Variants in SPATA31H1 observed in about 807,000 individuals in gnomAD.
The protein encoded by SPATA31H1 is spermatogenesis-associated protein 31H1.
chr2:27,576,720 A>G, the SPATA31H1 span: 1 of 1,614,064 alleles, frequency 6.2e-7, no homozygotes, highest in East Asian at 2.2e-5. Flanking sequence ...CAGATTTTCA[A>G]ATTTGTCTCC....
the SPATA31H1 span, chr2:27,578,735 G>C: frequency 6.2e-7 from 1 of 1,614,142 alleles, no homozygotes; most frequent in Non-Finnish European, 8.5e-7. Context: ...CATCAGAAGA[G>C]TTACAAGTAG....
At chr2:27,547,735 GCTATAGTAATA>G in the SPATA31H1 span, among the ~76,000 whole-genome samples, 68 of 151,888 alleles carry the variant, frequency 4.5e-4, no homozygotes, top group African/African-American at 1.6e-3. Flanking sequence ...GTTTTTTGAA[GCTATAGTAATA>G]CTTTTTCATT....
At chr2:27,552,790 T>A in the SPATA31H1 span, among the ~76,000 whole-genome samples, 9 of 152,184 alleles carry the variant, frequency 5.9e-5, no homozygotes, top group African/African-American at 2.2e-4. Context: ...CAGTGTACAA[T>A]CTTGCATGTC....
At chr2:27,541,833 A>C in the SPATA31H1 span, among the ~76,000 whole-genome samples, 1 of 152,000 alleles carries the variant, frequency 6.6e-6, no homozygotes, top group Admixed American at 6.5e-5. Context: ...GCTGGAGTGC[A>C]ACACATGGCT....
the SPATA31H1 span, among the ~76,000 whole-genome samples, chr2:27,541,048 TGGA>T: frequency 7.5e-6 from 1 of 133,440 alleles, no homozygotes; most frequent in African/African-American, 2.9e-5. Context: ...GGCTGGGAGG[TGGA>T]GGTTGTAGCG....
At chr2:27,540,246 G>A in the SPATA31H1 span, among the ~76,000 whole-genome samples, 1,094 of 72,666 alleles carry the variant, frequency 0.015, no homozygotes, top group East Asian at 0.059. Context: ...CCTCCCGGAC[G>A]GGGCGGCTGG....
At chr2:27,559,255 G>T in the SPATA31H1 span, among the ~76,000 whole-genome samples, 1 of 152,182 alleles carries the variant, frequency 6.6e-6, no homozygotes, top group African/African-American at 2.4e-5. Context: ...TTTATCAGAG[G>T]CTGAGCTTCC....
chr2:27,582,570 G>A, the SPATA31H1 span: 1 of 1,521,352 alleles, frequency 6.6e-7, no homozygotes, highest in Non-Finnish European at 8.8e-7. Context: ...AGTCTTCATC[G>A]TGCTGCCCTT....
the SPATA31H1 span, among the ~76,000 whole-genome samples, chr2:27,549,036 G>GCAC: frequency 3.0e-5 from 4 of 134,746 alleles, no homozygotes; most frequent in Non-Finnish European, 4.5e-5. Flanking sequence ...TCACGCCACT[G>GCAC]CACTCCAGCC....
the SPATA31H1 span, chr2:27,582,081 A>G: frequency 6.2e-7 from 1 of 1,613,130 alleles, no homozygotes; most frequent in Non-Finnish European, 8.5e-7. Flanking sequence ...CTTTGAGAGG[A>G]GCCATCGTAG....
At chr2:27,569,342 T>C in the SPATA31H1 span, 1 of 398,846 alleles carries the variant, frequency 2.5e-6, no homozygotes, top group Non-Finnish European at 4.4e-6. Context: ...TGTCAGAATA[T>C]AAAGAAACTG....
At chr2:27,581,763 G>C in the SPATA31H1 span, 11 of 1,611,570 alleles carry the variant, frequency 6.8e-6, no homozygotes, top group Non-Finnish European at 8.5e-6. Flanking sequence ...CAGTCCCTCA[G>C]AGAGAAGCCA....
the SPATA31H1 span, among the ~76,000 whole-genome samples, chr2:27,554,441 G>C: frequency 6.6e-6 from 1 of 152,042 alleles, no homozygotes; most frequent in Admixed American, 6.5e-5. Context: ...AGCTCTGGAG[G>C]CTGGGAAGTC....
At chr2:27,582,170 G>C in the SPATA31H1 span, 2 of 1,614,000 alleles carry the variant, frequency 1.2e-6, no homozygotes, top group African/African-American at 2.7e-5. Context: ...GTCCCTCTGA[G>C]AGGAGAGGAC....
the SPATA31H1 span, chr2:27,567,261 C>T: frequency 1.6e-6 from 1 of 609,514 alleles, no homozygotes; most frequent in Non-Finnish European, 3.0e-6. Context: ...CAAGCTCTCT[C>T]CTTCAGTTAG....
the SPATA31H1 span, among the ~76,000 whole-genome samples, chr2:27,540,042 G>A: frequency 9.0e-6 from 1 of 111,038 alleles, no homozygotes; most frequent in South Asian, 3.1e-4. Flanking sequence ...CCTCCCGGAC[G>A]GGGCGGCTGG....
chr2:27,582,656 A>AC, the SPATA31H1 span: 8 of 899,904 alleles, frequency 8.9e-6, no homozygotes, highest in South Asian at 1.4e-4. Flanking sequence ...ATTTCTCTCT[A>AC]CCGGGGGGGA....
At chr2:27,577,389 T>A in the SPATA31H1 span, 2 of 1,614,032 alleles carry the variant, frequency 1.2e-6, no homozygotes, top group Non-Finnish European at 1.7e-6. This position sits in a 1 kb window ranked among gnomAD's most constrained non-coding sequence, Gnocchi z 4.5. Flanking sequence ...CAAGCATTAC[T>A]TTACAGAAGC....
chr2:27,579,183 C>T, the SPATA31H1 span: 2 of 1,614,132 alleles, frequency 1.2e-6, no homozygotes, highest in Non-Finnish European at 1.7e-6. Flanking sequence ...CCCGGGCAGA[C>T]AACACAATGT....
Sources: gnomAD v4.1 joint callset for allele counts (sites outside exome capture counted in the v4.1 genomes callset) on GRCh38, gnomAD v4.1.1 for gene constraint, Gnocchi (gnomAD v3.1) non-coding constraint, MANE v1.5 for transcripts, NCBI Gene and HGNC (gene_info 2026-07-23, HGNC 2026-07-21) for gene names.